The following CBLN2 variants were observed in gnomAD, a reference collection of about 807,000 sequenced individuals.
CBLN2 encodes cerebellin 2 precursor.
Under a neutral mutation model 15.0 loss-of-function variants are expected in CBLN2, and 7 were observed. The observed-to-expected ratio is 0.47, with a 90% CI of 0.27 to 0.88. The LOEUF is 0.88. Among genes scored for constraint, CBLN2 ranks in the 40% least tolerant of loss-of-function variants. CBLN2 has a pLI of 0.14. For synonymous variants in CBLN2, 149 were observed against 135.2 expected (o/e 1.10, Z -0.71); for missense variants, 242 against 304.5 (o/e 0.79, Z 1.53).
intron 1 of CBLN2, chr18:72,625,182 C>T (rs932888617): frequency 1.3e-5 from 2 of 152,028 alleles, no homozygotes; most frequent in African/African-American, 4.8e-5. Flanking sequence ...AAATAACAGC[C>T]AGGAGTCTGA....
At chr18:72,618,540 A>G (rs1004179157) in intron 1 of CBLN2, 1 of 722,554 alleles carries the variant, frequency 1.4e-6, no homozygotes, top group African/African-American at 1.7e-5. Flanking sequence ...CTGTCTCAAG[A>G]AAAGTTTCTC....
At chr18:72,624,285 T>G (rs779092409) in intron 1 of CBLN2, among the ~76,000 whole-genome samples, 7 of 151,880 alleles carry the variant, frequency 4.6e-5, no homozygotes, top group Non-Finnish European at 4.4e-5. Context: ...CCACCCTCCC[T>G]CTTAACACCT....
Position 72,542,209 on chromosome 18 carries a change from G to T in CBLN2, c.-49C>A, listed in dbSNP as rs2069120449. ...CGGGGGTGGAGGCCGGCGCCGGCGC[G>T]AGCGGCGCGGAAGGGCGCGAAGGAA... On this transcript the variant is annotated 5_prime_UTR_variant, in exon 3 of 5. Transcript: ENST00000269503. 4 of 1,154,120 alleles carry T rather than the reference G, an allele frequency of 3.5e-6. No homozygotes were observed. The highest frequency in any genetic ancestry group is 4.3e-6 in the Non-Finnish European group (4 of 934,610). 71.5% of individuals were successfully genotyped at this position (1,154,120 alleles called of 1,614,324 possible).
chr18:72,583,643 A>T (rs2069422135), intron 1 of CBLN2, among the ~76,000 whole-genome samples: 1 of 152,224 alleles, frequency 6.6e-6, no homozygotes, highest in Non-Finnish European at 1.5e-5. Context: ...CAGAAGCTTT[A>T]AAAAATGAAA....
intron 1 of CBLN2, among the ~76,000 whole-genome samples, chr18:72,634,647 T>C (rs1396509923): frequency 1.3e-5 from 2 of 152,152 alleles, no homozygotes; most frequent in Non-Finnish European, 2.9e-5. Flanking sequence ...CTATTCTGCA[T>C]GGCAGGCTGG....
chr18:72,586,064 C>T (rs1451531743), intron 1 of CBLN2, among the ~76,000 whole-genome samples: 1 of 152,184 alleles, frequency 6.6e-6, no homozygotes, highest in Non-Finnish European at 1.5e-5. Context: ...AGCTGGGTGG[C>T]TGCAGCTGTG....
At chr18:72,614,764 C>T (rs558011857) in intron 1 of CBLN2, among the ~76,000 whole-genome samples, 1 of 151,936 alleles carries the variant, frequency 6.6e-6, no homozygotes, top group East Asian at 1.9e-4. Flanking sequence ...TAAATTCATT[C>T]CTTTTGGTAG....
At chr18:72,577,930 C>T (rs777385336) in intron 1 of CBLN2, among the ~76,000 whole-genome samples, 2 of 152,140 alleles carry the variant, frequency 1.3e-5, no homozygotes, top group African/African-American at 2.4e-5. Flanking sequence ...TTCTGATCAT[C>T]GATGAATAAT....
intron 1 of CBLN2, among the ~76,000 whole-genome samples, chr18:72,609,844 G>C (rs1161796729): frequency 6.6e-6 from 1 of 152,136 alleles, no homozygotes; most frequent in East Asian, 1.9e-4. Context: ...GGTGTACAAA[G>C]CTTCTACTTC....
At chr18:72,633,102 A>C (rs199873423) in intron 1 of CBLN2, among the ~76,000 whole-genome samples, 1 of 152,194 alleles carries the variant, frequency 6.6e-6, no homozygotes, top group East Asian at 1.9e-4. Flanking sequence ...GGTATGTACT[A>C]AGTATTCAAA....
At chr18:72,621,732 C>T (rs1431675164) in intron 1 of CBLN2, among the ~76,000 whole-genome samples, 1 of 152,130 alleles carries the variant, frequency 6.6e-6, no homozygotes, top group Non-Finnish European at 1.5e-5. Flanking sequence ...CAGAATTTTC[C>T]ATCCTCAACA....
intron 1 of CBLN2, among the ~76,000 whole-genome samples, chr18:72,562,173 G>A (rs62089747): frequency 0.042 from 6,465 of 152,240 alleles, 330 homozygotes; most frequent in African/African-American, 0.12. Context: ...TAAATTGAGC[G>A]TATATGTGTG....
intron 1 of CBLN2, among the ~76,000 whole-genome samples, chr18:72,549,756 G>T (rs953922541): frequency 6.6e-6 from 1 of 152,030 alleles, no homozygotes; most frequent in Non-Finnish European, 1.5e-5. Context: ...CTTTCTAAAG[G>T]CATTTTTAAT....
In CBLN2 at chr18:72,538,402, A is replaced by G. The variant is rs769725372; in HGVS notation, c.478-29T>C. 1.5e-5 allele frequency: 24 copies of G among 1,605,080 alleles called. No homozygotes were observed. In the South Asian group the frequency reaches 2.6e-4, roughly 18 times the overall value. On this transcript the variant is annotated intron_variant, in intron 4 of 4. Coordinates refer to ENST00000269503, the MANE Select transcript of CBLN2 (RefSeq NM_182511.4). ...AAATGCAGAGAGTAGAGCTCAGCAG[A>G]CCATAAAGCACCCAACTCCCACACA...
chr18:72,604,457 A>G (rs918779292), intron 1 of CBLN2, among the ~76,000 whole-genome samples: 1 of 152,166 alleles, frequency 6.6e-6, no homozygotes, highest in African/African-American at 2.4e-5. Flanking sequence ...GCTTTTTAAG[A>G]TGGAATATTC....
intron 1 of CBLN2, among the ~76,000 whole-genome samples, chr18:72,583,510 C>A (rs928712034): frequency 5.9e-5 from 9 of 152,116 alleles, no homozygotes; most frequent in African/African-American, 2.2e-4. Context: ...TTCCATTTAT[C>A]CTGGACATTG....
chr18:72,538,863 CT>C, intron 3 of CBLN2, 91 bp from the exon 4 acceptor site: 1 of 1,510,592 alleles, frequency 6.6e-7, no homozygotes, highest in Non-Finnish European at 8.9e-7. Context: ...ACACTGCCTC[CT>C]TCATCAGCGG....
At chr18:72,573,601 C>T (rs2069345482) in intron 1 of CBLN2, among the ~76,000 whole-genome samples, 2 of 152,158 alleles carry the variant, frequency 1.3e-5, no homozygotes, top group South Asian at 4.1e-4. Context: ...TTTACATTTC[C>T]TATGTCTATT....
At chr18:72,636,517 T>C (rs992054183) in intron 1 of CBLN2, among the ~76,000 whole-genome samples, 1 of 152,174 alleles carries the variant, frequency 6.6e-6, no homozygotes, top group African/African-American at 2.4e-5. Flanking sequence ...TTTCACCAGC[T>C]GGGCACAAAT....
Sources: gnomAD v4.1 joint callset for allele counts (sites outside exome capture counted in the v4.1 genomes callset) on GRCh38, gnomAD v4.1.1 for gene constraint, MANE v1.5 for transcripts, NCBI Gene and HGNC (gene_info 2026-07-23, HGNC 2026-07-21) for gene names.